PLXNC1: variants seen among roughly 807,000 people sequenced by gnomAD.
PLXNC1 encodes plexin-C1.
In PLXNC1, 75 loss-of-function variants were observed where a neutral mutation model predicts 178.2. The ratio of observed to expected loss-of-function variants is 0.42; its 90% CI spans 0.35 to 0.51. PLXNC1 has a LOEUF of 0.51. Ranked by LOEUF, PLXNC1 falls within the 20% of genes least tolerant of loss-of-function variation. The probability of loss-of-function intolerance (pLI) is 0.02; values close to 1 mark genes in which losing one functional copy is unlikely to be tolerated. For synonymous variants in PLXNC1, 790 were observed against 779.9 expected, an observed-to-expected ratio of 1.01 and a Z score of -0.22; for missense variants, 1,503 against 1,984.4, an observed-to-expected ratio of 0.76 and a Z score of 4.61.
intron 2 of PLXNC1, among the ~76,000 whole-genome samples, chr12:94,178,955 A>G (rs1427854247): frequency 6.6e-6 from 1 of 152,226 alleles, no homozygotes; most frequent in Non-Finnish European, 1.5e-5. Context: ...ATTGACTTTT[A>G]CAAAGCTGCT....
At chr12:94,219,811 A>ATTTATTTATTTT (rs199804478) in intron 5 of PLXNC1, among the ~76,000 whole-genome samples, 1 of 85,300 alleles carries the variant, frequency 1.2e-5, no homozygotes, top group Non-Finnish European at 2.1e-5. Flanking sequence ...ATTTTTATTT[A>ATTTATTTATTTT]TTTATTTATT....
In PLXNC1 at chr12:94,255,291, C is replaced by T; in HGVS notation, c.3082C>T (p.Pro1028Ser). ...ACATTTTGCTCTGAGAACTTTCTTC[C>T]CTGAGGTAAAAGAGCATTGATCATA... ...YKHFALRTFF[P>S]ESGGFTHIFT... Residue 1028 changes from proline (P) to serine (S), a missense_variant, in exon 17 of 31, where the codon CCT becomes TCT. By Grantham distance (74) the Pro-to-Ser change is moderately conservative (BLOSUM62 -1). Transcript: ENST00000258526. The T allele has an allele frequency of 1.3e-6, 2 of 1,594,620 alleles. No individual in the cohort carries two copies. Among genetic ancestry groups the T allele is most frequent in the Non-Finnish European group, 1.7e-6 (2 of 1,162,202 alleles).
intron 9 of PLXNC1, among the ~76,000 whole-genome samples, chr12:94,231,806 G>A (rs369100630): frequency 3.9e-5 from 6 of 152,234 alleles, no homozygotes; most frequent in South Asian, 4.2e-4. Context: ...GTCAGGGACC[G>A]TTGGCCCTTT....
chr12:94,199,723 C>T (rs1037553186), intron 4 of PLXNC1, among the ~76,000 whole-genome samples: 2 of 152,222 alleles, frequency 1.3e-5, no homozygotes, highest in Non-Finnish European at 2.9e-5. Context: ...CCCTTGGTGT[C>T]CCAGACAGTT....
At chr12:94,213,770 GT>G (rs1191823892) in intron 5 of PLXNC1, among the ~76,000 whole-genome samples, 27 of 152,154 alleles carry the variant, frequency 1.8e-4, no homozygotes, top group Non-Finnish European at 2.8e-4. Flanking sequence ...TTCTTCTAGG[GT>G]TTTTATGGTT....
At chr12:94,181,033 C>T (rs1962283199) in intron 2 of PLXNC1, among the ~76,000 whole-genome samples, 1 of 152,086 alleles carries the variant, frequency 6.6e-6, no homozygotes, top group Admixed American at 6.6e-5. Flanking sequence ...GTACCTTAGG[C>T]AGTATTTGTA....
chr12:94,237,925 A>G (rs946602641), intron 10 of PLXNC1, 122 bp downstream of exon 10: 8 of 873,570 alleles, frequency 9.2e-6, no homozygotes, highest in African/African-American at 3.4e-5. Flanking sequence ...AAGCAGGCCA[A>G]TTAGTCAGAG....
At chr12:94,159,289 A>G (rs1488500576) in intron 1 of PLXNC1, among the ~76,000 whole-genome samples, 2 of 152,372 alleles carry the variant, frequency 1.3e-5, no homozygotes, top group Non-Finnish European at 2.9e-5. Context: ...GCAACTTTAC[A>G]AAATGGGCTG....
At chr12:94,180,765 A>G (rs1433050636) in intron 2 of PLXNC1, among the ~76,000 whole-genome samples, 3 of 152,222 alleles carry the variant, frequency 2.0e-5, no homozygotes, top group African/African-American at 7.2e-5. Context: ...TACATGTGGG[A>G]GCTACTTCCT....
At chr12:94,293,997 C>T (rs959139611) in intron 23 of PLXNC1, among the ~76,000 whole-genome samples, 7 of 152,144 alleles carry the variant, frequency 4.6e-5, no homozygotes, top group African/African-American at 1.7e-4. Flanking sequence ...CCCAAAGGCC[C>T]TACCTCCTAA....
intron 15 of PLXNC1, among the ~76,000 whole-genome samples, chr12:94,253,828 C>T (rs936393998): frequency 6.6e-6 from 1 of 152,036 alleles, no homozygotes; most frequent in African/African-American, 2.4e-5. Flanking sequence ...CATGCACCAT[C>T]GCACCCATCT....
At chr12:94,210,775 T>C (rs1963445128) in intron 5 of PLXNC1, among the ~76,000 whole-genome samples, 1 of 152,162 alleles carries the variant, frequency 6.6e-6, no homozygotes, top group Admixed American at 6.5e-5. Context: ...AAAATAATAA[T>C]AATAACTTTC....
chr12:94,192,724 AT>A (rs1394763855), intron 4 of PLXNC1, among the ~76,000 whole-genome samples: 6 of 152,216 alleles, frequency 3.9e-5, no homozygotes, highest in Middle Eastern at 3.4e-3. Flanking sequence ...ATGCTGACTA[AT>A]ATTCCATTGA....
intron 4 of PLXNC1, among the ~76,000 whole-genome samples, chr12:94,188,484 C>G (rs935073240): frequency 6.6e-5 from 10 of 151,996 alleles, no homozygotes; most frequent in Admixed American, 4.6e-4. Flanking sequence ...CCACCATGCC[C>G]GACTAATTTT....
intron 28 of PLXNC1, 75 bp downstream of exon 28, chr12:94,301,132 A>C: frequency 7.5e-7 from 1 of 1,328,982 alleles, no homozygotes; most frequent in Non-Finnish European, 1.1e-6. Flanking sequence ...TAAGCATTCA[A>C]ATAATAAACA....
Position 94,222,287 on chromosome 12 carries a change from A to C in PLXNC1, c.1703-1941A>C, listed in dbSNP as rs186749166. ...TCACCTGCCGTTTTCTGAATATCTT[A>C]CATATTCTGAACGGGCAAACAAATT... On this transcript the variant is annotated intron_variant, in intron 6 of 30. Transcript: ENST00000258526. 7.5e-3 allele frequency among the ~76,000 whole-genome samples: 1,143 copies of C among 152,312 alleles called. 33 individuals carry two copies. The highest frequency in any genetic ancestry group is 0.054 in the Admixed American group (823 of 15,300).
chr12:94,226,789 C>T (rs1963952406), intron 8 of PLXNC1, 82 bp downstream of exon 8: 15 of 993,242 alleles, frequency 1.5e-5, no homozygotes, highest in East Asian at 7.3e-5. Context: ...TTTGGGAGGT[C>T]GAGGCGGGTG....
intron 1 of PLXNC1, among the ~76,000 whole-genome samples, chr12:94,155,999 A>C (rs1158788873): frequency 6.6e-6 from 1 of 152,250 alleles, no homozygotes; most frequent in African/African-American, 2.4e-5. Flanking sequence ...TTATGTGCAC[A>C]GTCACTGGAA....
intron 1 of PLXNC1, among the ~76,000 whole-genome samples, chr12:94,168,660 C>T (rs1402169686): frequency 4.6e-5 from 7 of 152,202 alleles, no homozygotes; most frequent in Non-Finnish European, 8.8e-5. Context: ...CCTGTGGTCC[C>T]TTTTGGTAAA....
Sources: allele counts gnomAD v4.1 joint callset (sites outside exome capture counted in the v4.1 genomes callset), GRCh38; gene constraint gnomAD v4.1.1; transcripts MANE v1.5; gene names NCBI Gene and HGNC (gene_info 2026-07-23, HGNC 2026-07-21).